The following SPOCK1 variants were observed in gnomAD, a reference collection of about 807,000 sequenced individuals.
The protein encoded by SPOCK1 is testican-1.
A neutral mutation model predicts 55.3 loss-of-function variants in SPOCK1; 23 were observed. The observed-to-expected ratio is 0.42, with a 90% CI of 0.30 to 0.59. The LOEUF is 0.59. Ranked by LOEUF, SPOCK1 falls within the 20% of genes least tolerant of loss-of-function variation. SPOCK1 has a pLI of 0.22. For synonymous variants in SPOCK1, 226 were observed against 221.0 expected, an observed-to-expected ratio of 1.02 and a Z score of -0.20; for missense variants, 499 against 552.5, an observed-to-expected ratio of 0.90 and a Z score of 0.97.
chr5:137,027,749 G>T (rs1751705266), intron 6 of SPOCK1, among the ~76,000 whole-genome samples: 1 of 152,094 alleles, frequency 6.6e-6, no homozygotes, highest in South Asian at 2.1e-4. Flanking sequence ...AGTCAGTATG[G>T]CTGTAGTCCA....
intron 2 of SPOCK1, among the ~76,000 whole-genome samples, chr5:137,381,992 TAATC>T (rs1751481647): frequency 6.6e-6 from 1 of 152,226 alleles, no homozygotes; most frequent in African/African-American, 2.4e-5. Flanking sequence ...CAGTTTCAGA[TAATC>T]TCTTTCTTCA....
intron 2 of SPOCK1, among the ~76,000 whole-genome samples, chr5:137,410,795 CA>C (rs1643553522): frequency 6.6e-6 from 1 of 152,170 alleles, no homozygotes; most frequent in African/African-American, 2.4e-5. Flanking sequence ...ATCCCATGCA[CA>C]AAGGAGACCT....
chr5:137,231,922 C>T (rs943460067), intron 3 of SPOCK1, among the ~76,000 whole-genome samples: 2 of 152,198 alleles, frequency 1.3e-5, no homozygotes, highest in Non-Finnish European at 2.9e-5. Flanking sequence ...CTAGTGATAT[C>T]CCACTGTTAC....
intron 4 of SPOCK1, among the ~76,000 whole-genome samples, chr5:137,121,092 T>C (rs1753674128): frequency 6.6e-6 from 1 of 152,198 alleles, no homozygotes; most frequent in South Asian, 2.1e-4. Context: ...GTCTTTACTT[T>C]TTCAACAAAC....
At chr5:137,114,469 C>T (rs1329238749) in intron 4 of SPOCK1, among the ~76,000 whole-genome samples, 1 of 152,230 alleles carries the variant, frequency 6.6e-6, no homozygotes, top group Non-Finnish European at 1.5e-5. Flanking sequence ...CACTTCACTG[C>T]TTTCATAGCT....
chr5:137,387,314 T>G (rs1465437808), intron 2 of SPOCK1, among the ~76,000 whole-genome samples: 2 of 152,280 alleles, frequency 1.3e-5, no homozygotes, highest in Admixed American at 1.3e-4. Flanking sequence ...TCCAAAGGAA[T>G]TGAAAATGTA....
At chr5:137,353,082 C>T (rs904574040) in intron 2 of SPOCK1, among the ~76,000 whole-genome samples, 9 of 152,066 alleles carry the variant, frequency 5.9e-5, no homozygotes, top group African/African-American at 2.2e-4. Flanking sequence ...GAACCCTTTC[C>T]TAAAAGTGAC....
intron 2 of SPOCK1, among the ~76,000 whole-genome samples, chr5:137,308,277 T>A (rs1203278089): frequency 6.6e-6 from 1 of 152,258 alleles, no homozygotes. Flanking sequence ...TCCTTACCAG[T>A]CATCTGCCTA....
intron 2 of SPOCK1, among the ~76,000 whole-genome samples, chr5:137,454,752 T>C (rs971048486): frequency 2.6e-5 from 4 of 152,200 alleles, no homozygotes; most frequent in African/African-American, 9.6e-5. Flanking sequence ...ATGAAACCCC[T>C]TGAACAATTA....
intron 4 of SPOCK1, among the ~76,000 whole-genome samples, chr5:137,131,675 C>A (rs1295819053): frequency 6.8e-6 from 1 of 148,026 alleles, no homozygotes; most frequent in South Asian, 2.1e-4. Context: ...TACCTGAATA[C>A]TAAAAAATAT....
chr5:137,413,036 A>G (rs1009770448), intron 2 of SPOCK1, among the ~76,000 whole-genome samples: 2 of 152,200 alleles, frequency 1.3e-5, no homozygotes, highest in Non-Finnish European at 2.9e-5. Context: ...CTATTTTTAT[A>G]AAATCTTAAA....
intron 3 of SPOCK1, among the ~76,000 whole-genome samples, chr5:137,229,732 G>A (rs1292558801): frequency 6.6e-6 from 1 of 152,246 alleles, no homozygotes; most frequent in South Asian, 2.1e-4. Flanking sequence ...TGGGGTTGGG[G>A]GAAGGGGGTG....
At chr5:137,437,214 C>A (rs1334362546) in intron 2 of SPOCK1, among the ~76,000 whole-genome samples, 1 of 149,894 alleles carries the variant, frequency 6.7e-6, no homozygotes, top group Non-Finnish European at 1.5e-5. Flanking sequence ...TGGGTACAAC[C>A]AAACCAAAGT....
chr5:137,102,698 A>T (rs868158799), intron 5 of SPOCK1, among the ~76,000 whole-genome samples: 47 of 152,304 alleles, frequency 3.1e-4, no homozygotes, highest in South Asian at 4.1e-4. Flanking sequence ...TCAAATATCT[A>T]CTCTGCTACT....
chr5:137,416,784 A>C (rs1752344604), intron 2 of SPOCK1, among the ~76,000 whole-genome samples: 1 of 152,176 alleles, frequency 6.6e-6, no homozygotes, highest in South Asian at 2.1e-4. Context: ...CCAGACTTTT[A>C]AATGTTAGCC....
chr5:137,437,723 A>G (rs2974493), intron 2 of SPOCK1, among the ~76,000 whole-genome samples: 56,768 of 152,122 alleles, frequency 0.37, 11,320 homozygotes, highest in East Asian at 0.64. Context: ...TATACTTGTC[A>G]TTTACATATG....
At chr5:136,996,619 G>A (rs1751043636) in intron 6 of SPOCK1, among the ~76,000 whole-genome samples, 1 of 152,038 alleles carries the variant, frequency 6.6e-6, no homozygotes, top group Non-Finnish European at 1.5e-5. Context: ...AGACTTCCTG[G>A]GTCGAGTGGG....
intron 2 of SPOCK1, among the ~76,000 whole-genome samples, chr5:137,397,547 C>T (rs540631715): frequency 7.0e-4 from 107 of 152,288 alleles, no homozygotes; most frequent in African/African-American, 2.5e-3. Flanking sequence ...ATTCATTGTC[C>T]TCTCGCTCCT....
chr5:137,251,398 C>G (rs1227070394), intron 3 of SPOCK1, among the ~76,000 whole-genome samples: 1 of 152,214 alleles, frequency 6.6e-6, no homozygotes, highest in Non-Finnish European at 1.5e-5. Flanking sequence ...GACTAGGAGC[C>G]AGGAGACTGC....
Sources: allele counts gnomAD v4.1 joint callset (sites outside exome capture counted in the v4.1 genomes callset), GRCh38; gene constraint gnomAD v4.1.1; transcripts MANE v1.5; gene names NCBI Gene and HGNC (gene_info 2026-07-23, HGNC 2026-07-21).